RYR2: variants seen among roughly 807,000 people sequenced by gnomAD.
RYR2 encodes ryanodine receptor 2.
In RYR2, 227 loss-of-function variants were observed where a neutral mutation model predicts 601.1. The observed-to-expected ratio is 0.38, with a 90% CI of 0.34 to 0.42. The LOEUF is 0.42. RYR2 is among the 10% of genes least tolerant of loss of function. The pLI is 1.00. For synonymous variants in RYR2, 2,223 were observed against 2,175.1 expected (o/e 1.02, Z -0.61); for missense variants, 4,646 against 6,156.5 (o/e 0.75, Z 8.21).
intron 1 of RYR2, among the ~76,000 whole-genome samples, chr1:237,059,438 T>G (rs12129023): frequency 0.18 from 27,108 of 152,010 alleles, 2,525 homozygotes; most frequent in Non-Finnish European, 0.2. Flanking sequence ...AGTCGAGAAC[T>G]CTGCATAACT....
intron 54 of RYR2, 34 bp from the exon 55 acceptor site, chr1:237,659,951 G>T: frequency 6.9e-7 from 1 of 1,448,180 alleles, no homozygotes. Flanking sequence ...ATTAACACGT[G>T]TAAAACAATT....
At position 237,377,415 on chromosome 1, in the gene RYR2, G is replaced by C; in HGVS notation, c.556G>C (p.Val186Leu). 1 of 1,613,430 alleles carries C rather than the reference G, an allele frequency of 6.2e-7. No homozygotes were observed. Among genetic ancestry groups the C allele is most frequent in the Non-Finnish European group, 8.5e-7 (1 of 1,179,468 alleles). The change falls in exon 8 of 105, where the codon GTG (valine) becomes CTG (leucine). Residue 186 changes from valine (V) to leucine (L), a missense_variant. Around this residue, in one of 17 missense-constraint regions of RYR2, gnomAD observed 87 missense variants for 144.7 expected, o/e 0.60. Coordinates refer to ENST00000366574, the MANE Select transcript of RYR2 (RefSeq NM_001035.3). ...RVGDDLILVS[V>L]SSERYLHLSY... is the part of the protein sequence containing the mutation. ...TGGAGATGACCTCATCTTAGTTAGC[G>C]TGTCCTCTGAAAGGTACTTGGTAAG...
chr1:237,046,998 G>C (rs564549740), intron 1 of RYR2, among the ~76,000 whole-genome samples: 4 of 152,268 alleles, frequency 2.6e-5, no homozygotes, highest in African/African-American at 9.6e-5. Context: ...CAAAACATTA[G>C]GGTAGGAAGA....
intron 23 of RYR2, among the ~76,000 whole-genome samples, chr1:237,510,439 C>T (rs1047036321): frequency 3.9e-5 from 6 of 152,074 alleles, no homozygotes; most frequent in African/African-American, 9.7e-5. Flanking sequence ...TTTTATGTTT[C>T]GTTTGTAGGG....
At chr1:237,772,163 AGTTTTAAT>A in intron 86 of RYR2, 63 bp downstream of exon 86, 1 of 866,918 alleles carries the variant, frequency 1.2e-6, no homozygotes, top group Non-Finnish European at 1.8e-6. Context: ...AATACGGCAG[AGTTTTAAT>A]GTGTTTTGGT....
chr1:237,056,190 C>T lies in RYR2; in HGVS notation c.48+13621C>T, dbSNP rs568885718. ...TATACCTCTGAGGATTGGAACACTG[C>T]ACCTGTGAGGACTGGAGCACTGCAC... On this transcript the variant is annotated intron_variant, in intron 1 of 104. Transcript: ENST00000366574. Among the ~76,000 whole-genome samples the T allele has an allele frequency of 3.4e-5, 5 of 146,384 alleles. 1 individual carries two copies. The South Asian group carries it at 1.1e-3, about 33-fold the overall frequency.
chr1:237,784,729 G>A lies in RYR2; in HGVS notation c.13017G>A (p.Gln4339=). 6.2e-7 allele frequency: 1 copy of A among 1,604,926 alleles called. No individual in the cohort carries two copies. The highest frequency in any genetic ancestry group is 8.5e-7 in the Non-Finnish European group (1 of 1,174,662). ...ELLANMPDPT[Q]DEVRGDGEEG... The stretch of plus-strand genomic sequence containing the variant: ...TAGCCAACATGCCAGACCCCACTCA[G>A]GATGAGGTTAGAGGAGATGGGGAGG... Residue 4339 remains glutamine (Q), a synonymous_variant, in exon 90 of 105, where the codon CAG becomes CAA. Transcript: ENST00000366574. This position sits in a 1 kb window ranked among gnomAD's most constrained non-coding sequence, Gnocchi z 7.1.
intron 27 of RYR2, among the ~76,000 whole-genome samples, chr1:237,566,040 A>G (rs771044215): frequency 7.2e-5 from 11 of 152,144 alleles, no homozygotes; most frequent in Admixed American, 3.9e-4. Context: ...TTCCTTAGCC[A>G]TCACCATCCT....
chr1:237,379,052 A>G (rs1017920916), intron 8 of RYR2, among the ~76,000 whole-genome samples: 17 of 152,244 alleles, frequency 1.1e-4, no homozygotes, highest in South Asian at 2.1e-4. Context: ...AGCTCTTGCT[A>G]TATGCATGTG....
At chr1:237,414,913 A>G (rs1250147409) in intron 10 of RYR2, among the ~76,000 whole-genome samples, 1 of 152,158 alleles carries the variant, frequency 6.6e-6, no homozygotes, top group Non-Finnish European at 1.5e-5. Context: ...CTCACCGAAG[A>G]CTTGAGAGCC....
At chr1:237,382,203 C>T (rs1221806405) in intron 8 of RYR2, among the ~76,000 whole-genome samples, 1 of 152,040 alleles carries the variant, frequency 6.6e-6, no homozygotes, top group Non-Finnish European at 1.5e-5. Context: ...TGAAACAGGC[C>T]AAGTTTTTCG....
Position 237,445,585 on chromosome 1 carries a change from C to T in RYR2, c.1292+63C>T, listed in dbSNP as rs1708257675. 1.9e-6 allele frequency: 3 copies of T among 1,578,774 alleles called. No individual in the cohort carries two copies. The Admixed American group carries it at 5.1e-5, about 27-fold the overall frequency. ...CATTTTCATTTCTTTATTGGATATG[C>T]AAATAGACAATTTAAAAGTATGCTA... On this transcript the variant is annotated intron_variant, in intron 14 of 104. Transcript: ENST00000366574.
intron 1 of RYR2, among the ~76,000 whole-genome samples, chr1:237,267,196 A>G (rs940250062): frequency 2.0e-5 from 3 of 152,180 alleles, no homozygotes; most frequent in East Asian, 1.9e-4. Context: ...TCAAACTCCT[A>G]TAGGTTTCCT....
chr1:237,234,900 C>T (rs1685399820), intron 1 of RYR2, among the ~76,000 whole-genome samples: 1 of 151,252 alleles, frequency 6.6e-6, no homozygotes, highest in Non-Finnish European at 1.5e-5. Flanking sequence ...TTTTTAATGC[C>T]CAAGAATCTA....
chr1:237,360,002 A>G (rs1006174595), intron 4 of RYR2, among the ~76,000 whole-genome samples: 4 of 152,200 alleles, frequency 2.6e-5, no homozygotes, highest in Admixed American at 2.0e-4. Context: ...TGTCTTACAC[A>G]TGTATTTTCT....
intron 60 of RYR2, among the ~76,000 whole-genome samples, chr1:237,675,201 A>G (rs1004824430): frequency 6.6e-6 from 1 of 152,162 alleles, no homozygotes; most frequent in Non-Finnish European, 1.5e-5. Flanking sequence ...TTCCAAAACT[A>G]TGGATTTTCA....
In RYR2 at chr1:237,655,780, C is replaced by T. The variant is rs370926393; in HGVS notation, c.7966-41C>T. The T allele has an allele frequency of 7.8e-6, 12 of 1,538,726 alleles. No homozygotes were observed. The African/African-American group carries it at 1.5e-4, about 20-fold the overall frequency. On this transcript the variant is annotated intron_variant, in intron 52 of 104. Coordinates refer to ENST00000366574, the MANE Select transcript of RYR2 (RefSeq NM_001035.3). ...CTGATGATCATGCTGACAACTTTTGCCATATAGTAATTTTTTTTTTTGGTC... is the reference window on the plus strand; with the variant it reads ...CTGATGATCATGCTGACAACTTTTGTCATATAGTAATTTTTTTTTTTGGTC...
At chr1:237,535,560 T>C (rs1003233737) in intron 25 of RYR2, among the ~76,000 whole-genome samples, 2 of 151,166 alleles carry the variant, frequency 1.3e-5, no homozygotes, top group Non-Finnish European at 2.9e-5. Context: ...AAATACAATC[T>C]CACATAAAGA....
At position 237,048,813 on chromosome 1, in the gene RYR2, A is replaced by G. The variant is rs568131334; in HGVS notation, c.48+6244A>G. Among the ~76,000 whole-genome samples the G allele has an allele frequency of 3.9e-5, 6 of 152,260 alleles. No homozygotes were observed. In the South Asian group the frequency reaches 1.2e-3, roughly 32 times the overall value. On this transcript the variant is annotated intron_variant, in intron 1 of 104. Coordinates refer to ENST00000366574, the MANE Select transcript of RYR2 (RefSeq NM_001035.3). Reference sequence around the variant, plus strand: ...GGTGCACTGTTAACTACAAGGACAGACTTGAGAGAAATCTTGTGGCAAGGA... The same window carrying G: ...GGTGCACTGTTAACTACAAGGACAGGCTTGAGAGAAATCTTGTGGCAAGGA...
Sources: gnomAD v4.1 joint callset for allele counts (sites outside exome capture counted in the v4.1 genomes callset) on GRCh38, gnomAD v4.1.1 for gene constraint, gnomAD v4.1.1 regional missense constraint, Gnocchi (gnomAD v3.1) non-coding constraint, MANE v1.5 for transcripts, NCBI Gene and HGNC (gene_info 2026-07-23, HGNC 2026-07-21) for gene names.